The following SMC3 variants were observed in gnomAD, a reference collection of about 807,000 sequenced individuals.
SMC3 encodes structural maintenance of chromosomes protein 3.
In SMC3, 20 loss-of-function variants were observed where a neutral mutation model predicts 171.8. The ratio of observed to expected loss-of-function variants is 0.12; its 90% CI spans 0.08 to 0.17. The LOEUF (loss-of-function observed/expected upper bound fraction) is 0.17. SMC3 is among the 10% of genes least tolerant of loss of function. The pLI, the probability that SMC3 is intolerant of heterozygous loss-of-function variation, is 1.00. For missense variants in SMC3, 543 were observed against 1,420.4 expected (o/e 0.38, Z 9.93); for synonymous variants, 464 against 451.1 (o/e 1.03, Z -0.36).
chr10:110,595,507 C>T (rs1402608847), intron 18 of SMC3, among the ~76,000 whole-genome samples: 8 of 152,296 alleles, frequency 5.3e-5, no homozygotes, highest in Non-Finnish European at 8.8e-5. Context: ...AAAGGTATCC[C>T]TTTGCCCCTT....
intron 18 of SMC3, among the ~76,000 whole-genome samples, chr10:110,595,917 CTTTT>C (rs10639343): frequency 1.7e-4 from 17 of 101,608 alleles, no homozygotes; most frequent in East Asian, 5.3e-4. Flanking sequence ...ACTGGAGGTT[CTTTT>C]TTTTTTTTTT....
At chr10:110,584,844 C>T (rs898593986) in intron 13 of SMC3, among the ~76,000 whole-genome samples, 4 of 152,064 alleles carry the variant, frequency 2.6e-5, no homozygotes, top group Non-Finnish European at 4.4e-5. Context: ...AGGCTGGTCT[C>T]GAAATCTTGG....
intron 3 of SMC3, among the ~76,000 whole-genome samples, chr10:110,574,329 A>C (rs1860915771): frequency 6.6e-6 from 1 of 152,240 alleles, no homozygotes; most frequent in African/African-American, 2.4e-5. Flanking sequence ...AAGTGTAAAT[A>C]GCAATGCGTC....
At chr10:110,575,696 T>A (rs1469878739) in intron 4 of SMC3, among the ~76,000 whole-genome samples, 1 of 152,230 alleles carries the variant, frequency 6.6e-6, no homozygotes, top group East Asian at 1.9e-4. Context: ...AGTGTTTTAT[T>A]CTGCTGTGAA....
chr10:110,598,813 A>C (rs1194594746), intron 20 of SMC3, among the ~76,000 whole-genome samples: 1 of 152,182 alleles, frequency 6.6e-6, no homozygotes, highest in East Asian at 1.9e-4. Context: ...TCATTGAACA[A>C]ATAGGCATTT....
At chr10:110,569,699 T>G (rs1057090615) in intron 2 of SMC3, among the ~76,000 whole-genome samples, 2 of 152,140 alleles carry the variant, frequency 1.3e-5, no homozygotes, top group African/African-American at 4.8e-5. Context: ...TTCTCATTTG[T>G]AAAGTGGAGA....
At chr10:110,596,840 T>C (rs1471852155) in intron 19 of SMC3, among the ~76,000 whole-genome samples, 1 of 151,384 alleles carries the variant, frequency 6.6e-6, no homozygotes, top group East Asian at 1.9e-4. Context: ...AGTTTGTGAA[T>C]TGTACAAGTA....
At position 110,604,406 on chromosome 10, in the gene SMC3, A is replaced by T; in HGVS notation, c.*104A>T. 1.3e-6 allele frequency: 1 copy of T among 793,084 alleles called. No individual in the cohort carries two copies. Among genetic ancestry groups the T allele is most frequent in the Non-Finnish European group, 2.2e-6 (1 of 453,008 alleles). The allele number at this position is 793,084 out of a possible 1,614,324, so 49.1% of individuals were successfully genotyped here. On this transcript the variant is annotated 3_prime_UTR_variant, in exon 29 of 29. Coordinates refer to ENST00000361804, the MANE Select transcript of SMC3 (RefSeq NM_005445.4). ...TAAATATTTGGCCAATAGTTTTCAG[A>T]CTTAAAGCATCATAGTCCTTTTATA...
At chr10:110,572,431 C>A (rs183049671) in intron 2 of SMC3, among the ~76,000 whole-genome samples, 1 of 152,150 alleles carries the variant, frequency 6.6e-6, no homozygotes, top group Non-Finnish European at 1.5e-5. Context: ...CTTCTTTAGT[C>A]TCCTTTAATC....
chr10:110,604,124 A>C, intron 28 of SMC3, 107 bp from the exon 29 acceptor site: 1 of 634,250 alleles, frequency 1.6e-6, no homozygotes, highest in Admixed American at 2.9e-5. Context: ...AAAACTAAAA[A>C]TTAAAAAATG....
At chr10:110,569,734 G>A (rs1368587423) in intron 2 of SMC3, among the ~76,000 whole-genome samples, 1 of 152,188 alleles carries the variant, frequency 6.6e-6, no homozygotes, top group Non-Finnish European at 1.5e-5. Flanking sequence ...TAGGGCTGTT[G>A]AGAAGATTAA....
Position 110,598,174 on chromosome 10 carries a change from A to G in SMC3, c.2152A>G (p.Met718Val). The G allele has an allele frequency of 6.2e-7, 1 of 1,613,946 alleles. No homozygotes were observed. Among genetic ancestry groups the G allele is most frequent in the Non-Finnish European group, 8.5e-7 (1 of 1,179,910 alleles). Residue 718 changes from methionine to valine, a missense_variant, in exon 20 of 29, where the codon ATG becomes GTG. Physicochemically the swap from Met to Val is conservative, Grantham distance 21. This residue lies in a region of SMC3 where 218 missense variants were observed against 509.6 expected (regional missense o/e 0.43). Transcript: ENST00000361804. ...NNEIDQLMNQ[M>V]QQIETQQRKF... The stretch of plus-strand genomic sequence containing the variant: ...TGAAATTGATCAGTTGATGAACCAA[A>G]TGCAACAGATCGAGACCCAGCAAAG...
intron 6 of SMC3, 48 bp from the exon 7 acceptor site, chr10:110,578,580 G>T (rs772674020): frequency 5.7e-6 from 8 of 1,397,138 alleles, no homozygotes; most frequent in Non-Finnish European, 8.0e-6. Flanking sequence ...TTGCTTAATG[G>T]TGCTTTAAAA....
At chr10:110,600,669 G>T (rs539381683) in intron 22 of SMC3, 123 bp downstream of exon 22, 4 of 693,030 alleles carry the variant, frequency 5.8e-6, no homozygotes, top group Non-Finnish European at 1.0e-5. Flanking sequence ...TTAGTGTCTT[G>T]TGGGCCTTGG....
intron 1 of SMC3, 58 bp downstream of exon 1, chr10:110,567,889 C>T: frequency 1.3e-6 from 2 of 1,599,272 alleles, no homozygotes; most frequent in Non-Finnish European, 1.7e-6. Context: ...CTCCTTGAGG[C>T]GGGAGTGTTG....
chr10:110,587,843 T>A (rs1424130670), intron 13 of SMC3, among the ~76,000 whole-genome samples: 3 of 152,200 alleles, frequency 2.0e-5, no homozygotes, highest in Non-Finnish European at 4.4e-5. Flanking sequence ...TCAGATAGCC[T>A]GGGGATGAAT....
chr10:110,569,155 C>T (rs1047433970), intron 2 of SMC3, 142 bp downstream of exon 2: 14 of 673,200 alleles, frequency 2.1e-5, no homozygotes, highest in Non-Finnish European at 3.7e-5. Context: ...ACTTTTCTGT[C>T]TTATTGCACT....
chr10:110,601,699 C>G lies in SMC3; in HGVS notation c.2707C>G (p.Arg903Gly), dbSNP rs766348585. The change falls in exon 24 of 29, where the codon CGC (arginine) becomes GGC (glycine). Residue 903 changes from arginine to glycine, a missense_variant. This residue lies in a region of SMC3 where 81 missense variants were observed against 184.2 expected (regional missense o/e 0.44). Transcript: ENST00000361804. ...TAAGGAGCTTCAGAAGAGTATGGAG[C>G]GCTGGAAAAATATGGAAAAAGAACA... ...GIKELQKSME[R>G]WKNMEKEHMD... The G allele has an allele frequency of 1.2e-6, 2 of 1,612,316 alleles. No individual in the cohort carries two copies. Among genetic ancestry groups the G allele is most frequent in the South Asian group, 1.1e-5 (1 of 91,028 alleles).
At chr10:110,567,940 AC>A in intron 1 of SMC3, 109 bp downstream of exon 1, 2 of 1,368,990 alleles carry the variant, frequency 1.5e-6, no homozygotes, top group African/African-American at 1.4e-5. Flanking sequence ...CACAGGCTGG[AC>A]CAGGGCTGGG....
Sources: gnomAD v4.1 joint callset for allele counts (sites outside exome capture counted in the v4.1 genomes callset) on GRCh38, gnomAD v4.1.1 for gene constraint, gnomAD v4.1.1 regional missense constraint, MANE v1.5 for transcripts, NCBI Gene and HGNC (gene_info 2026-07-23, HGNC 2026-07-21) for gene names.